Variants in CHMP3 observed in about 807,000 individuals in gnomAD.
CHMP3 encodes the protein 25.1 protein.
In CHMP3, 8 loss-of-function variants were observed where a neutral mutation model predicts 27.4. The ratio of observed to expected loss-of-function variants is 0.29; its 90% confidence interval spans 0.17 to 0.53. The LOEUF (loss-of-function observed/expected upper bound fraction) is 0.53. CHMP3 is among the 20% of genes least tolerant of loss of function. The pLI is 0.96. For missense variants in CHMP3, 208 were observed against 271.5 expected (o/e 0.77, Z 1.64); for synonymous variants, 86 against 85.5 (o/e 1.01, Z -0.03).
intron 1 of CHMP3, among the ~76,000 whole-genome samples, chr2:86,558,288 T>C (rs1033831810): frequency 6.6e-6 from 1 of 152,190 alleles, no homozygotes; most frequent in Non-Finnish European, 1.5e-5. Context: ...TGGTCTTTAC[T>C]TGCATCCTTT....
At chr2:86,531,893 T>A (rs1384138412) in intron 2 of CHMP3, among the ~76,000 whole-genome samples, 1 of 152,160 alleles carries the variant, frequency 6.6e-6, no homozygotes, top group Admixed American at 6.5e-5. Flanking sequence ...AGGAAGTGAG[T>A]TGTTAAACTT....
chr2:86,509,761 C>G (rs951884247), intron 4 of CHMP3, among the ~76,000 whole-genome samples: 1 of 152,166 alleles, frequency 6.6e-6, no homozygotes. Flanking sequence ...AAAACGAGGA[C>G]AAAAATCCCT....
chr2:86,563,208 G>A, intron 1 of CHMP3, 96 bp downstream of exon 1: 1 of 1,444,794 alleles, frequency 6.9e-7, no homozygotes, highest in South Asian at 1.2e-5. Context: ...GGGCGGTATC[G>A]GGCAGGCGGT....
At chr2:86,514,165 G>T (rs907064895) in intron 3 of CHMP3, among the ~76,000 whole-genome samples, 4 of 152,322 alleles carry the variant, frequency 2.6e-5, no homozygotes, top group Admixed American at 2.6e-4. Context: ...AGCACTGATG[G>T]AAAGGCCCAT....
intron 2 of CHMP3, among the ~76,000 whole-genome samples, chr2:86,536,766 T>C (rs1399115957): frequency 6.6e-6 from 1 of 152,250 alleles, no homozygotes; most frequent in Non-Finnish European, 1.5e-5. Flanking sequence ...TAGGAAGTTT[T>C]TAGCCATTAT....
At chr2:86,553,633 A>T (rs1037078501) in intron 1 of CHMP3, among the ~76,000 whole-genome samples, 2 of 152,190 alleles carry the variant, frequency 1.3e-5, no homozygotes, top group Non-Finnish European at 2.9e-5. Flanking sequence ...CCCGACCCCA[A>T]ACAGATTTTT....
At chr2:86,563,063 T>G (rs929247895) in intron 1 of CHMP3, 6 of 457,446 alleles carry the variant, frequency 1.3e-5, no homozygotes, top group African/African-American at 1.2e-4. Context: ...AGTGGCGAGG[T>G]GGAGAAACTC....
chr2:86,537,276 GT>G (rs952850759), intron 2 of CHMP3, among the ~76,000 whole-genome samples: 3 of 152,118 alleles, frequency 2.0e-5, no homozygotes, highest in African/African-American at 7.2e-5. Flanking sequence ...TTCTAGTAAG[GT>G]TTTCACTTCA....
chr2:86,534,408 C>A (rs1676048464), intron 2 of CHMP3, among the ~76,000 whole-genome samples: 1 of 151,926 alleles, frequency 6.6e-6, no homozygotes, highest in Admixed American at 6.6e-5. Flanking sequence ...GTTGGCCAGG[C>A]TGGTCTCAAA....
chr2:86,513,066 A>C (rs1029953553), intron 3 of CHMP3, among the ~76,000 whole-genome samples: 2 of 152,268 alleles, frequency 1.3e-5, no homozygotes, highest in Non-Finnish European at 2.9e-5. Context: ...GATGTCTTAT[A>C]GCAGCTTTAT....
chr2:86,540,966 G>A (rs1457187401), intron 2 of CHMP3: 2 of 151,468 alleles, frequency 1.3e-5, no homozygotes, highest in Non-Finnish European at 2.9e-5. Context: ...TTTCATTGTT[G>A]GGTGCCTGCA....
intron 3 of CHMP3, chr2:86,515,199 A>C (rs1675250350): frequency 5.1e-5 from 1 of 19,718 alleles, no homozygotes; most frequent in South Asian, 9.7e-4. Context: ...GACAAAGTTA[A>C]AAAAAAAAAA....
At chr2:86,507,975 G>A (rs1191857185) in intron 4 of CHMP3, among the ~76,000 whole-genome samples, 1 of 152,150 alleles carries the variant, frequency 6.6e-6, no homozygotes, top group East Asian at 1.9e-4. Context: ...GAACGCAGGG[G>A]TTGGAATATG....
At position 86,522,632 on chromosome 2, in the gene CHMP3, T is replaced by C. The variant is rs191257218; in HGVS notation, c.286+6586A>G. ...CTCAAAGGCTCAGAGCATCTCAGCCTTGTTTATACCTTCACTCTGCACCTG... is the reference window on the plus strand; with the variant it reads ...CTCAAAGGCTCAGAGCATCTCAGCCCTGTTTATACCTTCACTCTGCACCTG... On this transcript the variant is annotated intron_variant, in intron 3 of 5. Coordinates refer to ENST00000263856, the MANE Select transcript of CHMP3 (RefSeq NM_016079.4). Among the ~76,000 whole-genome samples, 4 of 152,292 alleles carry C rather than the reference T, an allele frequency of 2.6e-5. No homozygotes were observed. The East Asian group carries it at 7.7e-4, about 29-fold the overall frequency.
chr2:86,560,644 C>T (rs545041594), intron 1 of CHMP3, among the ~76,000 whole-genome samples: 7 of 151,132 alleles, frequency 4.6e-5, no homozygotes, highest in East Asian at 3.9e-4. Context: ...CACCACAGCA[C>T]GTGTATATAT....
intron 1 of CHMP3, among the ~76,000 whole-genome samples, chr2:86,549,815 C>A (rs1676820705): frequency 6.7e-6 from 1 of 149,354 alleles, no homozygotes; most frequent in African/African-American, 2.5e-5. Flanking sequence ...TCCTCGCCTC[C>A]CAGGCGGGGT....
Position 86,529,288 on chromosome 2 carries a change from C to T in CHMP3, c.216G>A (p.Lys72=), listed in dbSNP as rs1675825844. ...VLAKEMIRSR[K]AVSKLYASKA... is the part of the protein sequence containing the mutation. ...TGGATGCATACAGCTTGCTCACAGC[C>T]TTCCTTGACCTGATCATCTCCTTGG... Residue 72 remains lysine, a synonymous_variant, in exon 3 of 6, where the codon AAG becomes AAA. Coordinates refer to ENST00000263856, the MANE Select transcript of CHMP3 (RefSeq NM_016079.4). 6.2e-7 allele frequency: 1 copy of T among 1,613,610 alleles called. No homozygotes were observed. The highest frequency in any genetic ancestry group is 2.2e-5 in the East Asian group (1 of 44,828).
chr2:86,514,871 A>G (rs1441486946), intron 3 of CHMP3, among the ~76,000 whole-genome samples: 1 of 152,198 alleles, frequency 6.6e-6, no homozygotes, highest in African/African-American at 2.4e-5. Context: ...TTTCGTACAT[A>G]TATTTTACTA....
At chr2:86,509,836 C>G (rs904664849) in intron 4 of CHMP3, among the ~76,000 whole-genome samples, 1 of 152,242 alleles carries the variant, frequency 6.6e-6, no homozygotes, top group African/African-American at 2.4e-5. Flanking sequence ...CGGGGCTCGG[C>G]AGCAATGCCT....
Sources: allele counts gnomAD v4.1 joint callset (sites outside exome capture counted in the v4.1 genomes callset), GRCh38; gene constraint gnomAD v4.1.1; transcripts MANE v1.5; gene names NCBI Gene and HGNC (gene_info 2026-07-23, HGNC 2026-07-21).